ZMYND11: variants seen among roughly 807,000 people sequenced by gnomAD.
ZMYND11 encodes zinc finger MYND-type containing 11.
ZMYND11 carries 9 observed loss-of-function variants against 84.9 expected under a neutral mutation model. The observed-to-expected ratio is 0.11, with a 90% CI of 0.06 to 0.18. The LOEUF (loss-of-function observed/expected upper bound fraction) is 0.18. Ranked by LOEUF, ZMYND11 falls within the 10% of genes least tolerant of loss-of-function variation. The probability of loss-of-function intolerance (pLI) is 1.00; values close to 1 mark genes in which losing one functional copy is unlikely to be tolerated. For synonymous variants in ZMYND11, 250 were observed against 244.1 expected, an observed-to-expected ratio of 1.02 and a Z score of -0.23; for missense variants, 409 against 761.0, an observed-to-expected ratio of 0.54 and a Z score of 5.44.
intron 2 of ZMYND11, among the ~76,000 whole-genome samples, chr10:193,761 A>G (rs192807810): frequency 6.6e-6 from 1 of 152,192 alleles, no homozygotes; most frequent in Admixed American, 6.5e-5. Flanking sequence ...CCCTTCCATC[A>G]TTGATTTGCC....
At chr10:244,160 T>C (rs779316221) in intron 10 of ZMYND11, among the ~76,000 whole-genome samples, 17 of 152,184 alleles carry the variant, frequency 1.1e-4, no homozygotes, top group Non-Finnish European at 2.1e-4. Context: ...TTTATAGTCT[T>C]CCATATTAGA....
At chr10:167,396 A>G (rs1844252882) in intron 1 of ZMYND11, among the ~76,000 whole-genome samples, 1 of 152,126 alleles carries the variant, frequency 6.6e-6, no homozygotes. Context: ...CTCACCCACC[A>G]TTTTGTTTTA....
intron 12 of ZMYND11, 151 bp from the exon 13 acceptor site, chr10:248,185 G>A (rs1002502525): frequency 4.9e-5 from 44 of 891,446 alleles, no homozygotes; most frequent in African/African-American, 2.4e-4. Flanking sequence ...CAAAATATAC[G>A]TGACATCTAC....
At chr10:239,037 G>A (rs1486275841) in intron 6 of ZMYND11, among the ~76,000 whole-genome samples, 1 of 152,200 alleles carries the variant, frequency 6.6e-6, no homozygotes, top group Admixed American at 6.5e-5. Context: ...TAACAGTTCT[G>A]TTTTCAATCT....
At chr10:195,091 CA>C (rs1389975431) in intron 2 of ZMYND11, among the ~76,000 whole-genome samples, 2 of 152,154 alleles carry the variant, frequency 1.3e-5, no homozygotes, top group African/African-American at 2.4e-5. Context: ...GTTAGACTCA[CA>C]AACTGACTTC....
At chr10:167,797 T>A (rs114499972) in intron 1 of ZMYND11, among the ~76,000 whole-genome samples, 3,045 of 152,264 alleles carry the variant, frequency 0.02, 96 homozygotes, top group African/African-American at 0.069. Context: ...TCTCCTCCTA[T>A]TTTTAAAGTT....
intron 4 of ZMYND11, among the ~76,000 whole-genome samples, chr10:228,735 T>A (rs1476130): frequency 0.65 from 98,211 of 152,070 alleles, 31,906 homozygotes; most frequent in East Asian, 0.82. Flanking sequence ...CTTTAGAGAC[T>A]AGTGTTATGT....
At chr10:231,160 C>T (rs1159490679) in intron 4 of ZMYND11, among the ~76,000 whole-genome samples, 3 of 152,186 alleles carry the variant, frequency 2.0e-5, no homozygotes, top group Non-Finnish European at 2.9e-5. Context: ...ATTAAGTAGT[C>T]GAGACAGAGA....
At position 239,515 on chromosome 10, in the gene ZMYND11, T is replaced by A. The variant is rs1212534200; in HGVS notation, c.687T>A (p.Ile229=). ...AATTGCTTCTCCACAATACCGTGATTTTCTATGGAGGTTGAATATTTTTGT... is the reference window on the plus strand; with the variant it reads ...AATTGCTTCTCCACAATACCGTGATATTCTATGGAGGTTGAATATTTTTGT... ...DAQLLLHNTV[I]FYGADSEQAD... The change falls in exon 7 of 15, where the codon ATT becomes ATA. Residue 229 remains isoleucine (I), a synonymous_variant. Coordinates refer to ENST00000381604, the MANE Select transcript of ZMYND11 (RefSeq NM_001370100.5). 1 of 1,602,098 alleles carries A rather than the reference T, an allele frequency of 6.2e-7. No individual in the cohort carries two copies. The highest frequency in any genetic ancestry group is 1.1e-5 in the South Asian group (1 of 88,806).
chr10:246,979 T>C lies in ZMYND11; in HGVS notation c.1158+6T>C, dbSNP rs758132764. The C allele has an allele frequency of 1.3e-6, 2 of 1,598,588 alleles. No homozygotes were observed. On this transcript the variant is annotated splice_donor_region_variant and intron_variant, in intron 11 of 14. Transcript: ENST00000381604. ...CCTCCACCAGTAATGAGCAGGTGAGTGTGTCTCCGGAAGGAAGTGCCTATT... is the reference window on the plus strand; with the variant it reads ...CCTCCACCAGTAATGAGCAGGTGAGCGTGTCTCCGGAAGGAAGTGCCTATT...
At chr10:211,146 C>A (rs889643885) in intron 3 of ZMYND11, among the ~76,000 whole-genome samples, 1 of 151,754 alleles carries the variant, frequency 6.6e-6, no homozygotes, top group African/African-American at 2.4e-5. Flanking sequence ...GAGCTATGGT[C>A]ATGCCGCTGC....
chr10:251,079 G>A (rs892113779), intron 14 of ZMYND11, among the ~76,000 whole-genome samples: 1 of 152,204 alleles, frequency 6.6e-6, no homozygotes, highest in Non-Finnish European at 1.5e-5. Context: ...AAGAAATAGA[G>A]TAGTATTATA....
chr10:196,565 A>G (rs1021796333), intron 2 of ZMYND11, among the ~76,000 whole-genome samples: 3 of 152,238 alleles, frequency 2.0e-5, no homozygotes, highest in Admixed American at 6.5e-5. Context: ...TAGGTTATAC[A>G]TCATAAAATT....
chr10:237,743 G>GT lies in ZMYND11; in HGVS notation c.609+67dup. On this transcript the variant is annotated intron_variant, in intron 6 of 14. Transcript: ENST00000381604. ...CTTAACTAACAAGTTAAAGAATAAT[G>GT]TAGCAGTTAAGCAGATTTTGGTTGC... 3 of 1,311,314 alleles carry GT rather than the reference G, an allele frequency of 2.3e-6. No homozygotes were observed. The South Asian group carries it at 4.1e-5, about 18-fold the overall frequency. 81.2% of individuals were successfully genotyped at this position (1,311,314 alleles called of 1,614,324 possible).
intron 1 of ZMYND11, among the ~76,000 whole-genome samples, chr10:171,360 G>GA (rs762270879): frequency 4.6e-5 from 7 of 152,060 alleles, no homozygotes; most frequent in Admixed American, 4.6e-4. Context: ...AATAATAGCA[G>GA]ATCACACGTT....
intron 4 of ZMYND11, among the ~76,000 whole-genome samples, chr10:222,184 C>G (rs1033762057): frequency 6.6e-6 from 1 of 152,098 alleles, no homozygotes; most frequent in African/African-American, 2.4e-5. Context: ...TAATAACTTG[C>G]GTAATTTAAG....
chr10:236,949 CCAAAA>C (rs1396334637), intron 5 of ZMYND11, 34 bp downstream of exon 5: 23 of 1,570,256 alleles, frequency 1.5e-5, no homozygotes, highest in Non-Finnish European at 2.0e-5. Context: ...TCAAAATATC[CCAAAA>C]CACATTTTAC....
intron 2 of ZMYND11, among the ~76,000 whole-genome samples, chr10:183,621 A>G (rs1848339251): frequency 6.6e-6 from 1 of 152,252 alleles, no homozygotes; most frequent in Non-Finnish European, 1.5e-5. Context: ...TCATATGGGA[A>G]AAGTAGAATA....
chr10:135,979 C>T lies in ZMYND11; in HGVS notation c.-20+420C>T, dbSNP rs1333295609. ...GTGCGCAGTCCGGGCCGGCGGGGAA[C>T]GCGGCTCCGGGCGTGTGGCGGGCGG... On this transcript the variant is annotated intron_variant, in intron 1 of 14. Coordinates refer to ENST00000381604, the MANE Select transcript of ZMYND11 (RefSeq NM_001370100.5). This position sits in a 1 kb window ranked among gnomAD's most constrained non-coding sequence, Gnocchi z 5.6. Among the ~76,000 whole-genome samples, 1 of 151,838 alleles carries T rather than the reference C, an allele frequency of 6.6e-6. No individual in the cohort carries two copies. Among genetic ancestry groups the T allele is most frequent in the Non-Finnish European group, 1.5e-5 (1 of 67,894 alleles).
Sources: allele counts gnomAD v4.1 joint callset (sites outside exome capture counted in the v4.1 genomes callset), GRCh38; gene constraint gnomAD v4.1.1; non-coding constraint Gnocchi (gnomAD v3.1); transcripts MANE v1.5; gene names NCBI Gene and HGNC (gene_info 2026-07-23, HGNC 2026-07-21).